The following DCC variants were observed in gnomAD, a reference collection of about 807,000 sequenced individuals.
The protein encoded by DCC is DCC netrin 1 receptor, also known as netrin receptor DCC.
In DCC, 58 loss-of-function variants were observed where a neutral mutation model predicts 172.5. The observed-to-expected ratio is 0.34, with a 90% confidence interval of 0.27 to 0.42. The LOEUF (loss-of-function observed/expected upper bound fraction) is 0.42. DCC is among the 10% of genes least tolerant of loss of function. The probability of loss-of-function intolerance (pLI) is 1.00; values close to 1 mark genes in which losing one functional copy is unlikely to be tolerated. For missense variants in DCC, 1,740 were observed against 1,791.0 expected (o/e 0.97, Z 0.51); for synonymous variants, 709 against 644.5 (o/e 1.10, Z -1.52).
intron 26 of DCC, among the ~76,000 whole-genome samples, chr18:53,494,105 A>C (rs1204297916): frequency 6.6e-6 from 1 of 152,210 alleles, no homozygotes; most frequent in Non-Finnish European, 1.5e-5. Flanking sequence ...ATTCAGGAGC[A>C]GGTTGTTCAG....
intron 2 of DCC, among the ~76,000 whole-genome samples, chr18:52,807,341 T>C (rs1598822742): frequency 2.0e-5 from 3 of 152,342 alleles, no homozygotes; most frequent in Non-Finnish European, 4.4e-5. Context: ...TGCTGATGAC[T>C]AAGTATAAAA....
chr18:52,373,473 G>A (rs1985211243), intron 1 of DCC, among the ~76,000 whole-genome samples: 1 of 152,154 alleles, frequency 6.6e-6, no homozygotes, highest in Non-Finnish European at 1.5e-5. Context: ...TATTTCTTCA[G>A]TGGAATAATT....
intron 5 of DCC, among the ~76,000 whole-genome samples, chr18:52,946,923 C>CG: frequency 6.6e-6 from 1 of 152,202 alleles, no homozygotes; most frequent in South Asian, 2.1e-4. Flanking sequence ...GCAAAATCAA[C>CG]GCAAACATCC....
intron 1 of DCC, among the ~76,000 whole-genome samples, chr18:52,566,186 TA>T (rs888447007): frequency 3.9e-5 from 6 of 151,906 alleles, no homozygotes; most frequent in Admixed American, 2.6e-4. Context: ...TATGCAGCCG[TA>T]AAAAAAGATG....
chr18:53,401,733 G>A (rs1909308569), intron 18 of DCC, among the ~76,000 whole-genome samples: 1 of 152,150 alleles, frequency 6.6e-6, no homozygotes, highest in African/African-American at 2.4e-5. Flanking sequence ...ACTAAGGGTA[G>A]CAAAGTTGCC....
intron 7 of DCC, among the ~76,000 whole-genome samples, chr18:53,117,803 A>G (rs960220452): frequency 1.8e-4 from 28 of 151,792 alleles, no homozygotes; most frequent in African/African-American, 6.3e-4. Flanking sequence ...ATGTAAATAT[A>G]TAGACATGCC....
chr18:52,818,218 A>T (rs2038338658), intron 2 of DCC: 1 of 151,112 alleles, frequency 6.6e-6, no homozygotes, highest in Non-Finnish European at 1.5e-5. Context: ...TGTCTCTACA[A>T]AAAATTTAAA....
At chr18:52,974,812 G>A (rs543389787) in intron 5 of DCC, among the ~76,000 whole-genome samples, 1 of 152,278 alleles carries the variant, frequency 6.6e-6, no homozygotes, top group East Asian at 1.9e-4. Context: ...CTGTGGGCAT[G>A]ATGTCTTTAA....
chr18:53,393,773 C>T (rs1332347843), intron 17 of DCC, among the ~76,000 whole-genome samples: 4 of 152,158 alleles, frequency 2.6e-5, no homozygotes, highest in Non-Finnish European at 5.9e-5. Context: ...GTTACTACAG[C>T]AGACATGGAA....
intron 1 of DCC, among the ~76,000 whole-genome samples, chr18:52,591,869 C>T (rs2033809241): frequency 6.8e-6 from 1 of 147,066 alleles, no homozygotes; most frequent in Non-Finnish European, 1.5e-5. Context: ...AAGCAGTAGG[C>T]TTCCAAAGCT....
At position 53,119,987 on chromosome 18, in the gene DCC, C is replaced by G. The variant is rs535020991; in HGVS notation, c.1262-37369C>G. On this transcript the variant is annotated intron_variant, in intron 7 of 28. Coordinates refer to ENST00000442544, the MANE Select transcript of DCC (RefSeq NM_005215.4). Reference sequence around the variant, plus strand: ...AAACTGTTGATAATTCAACTTTGTCCTAGAAAAATTATATTCAAGTTATAG... The same window carrying G: ...AAACTGTTGATAATTCAACTTTGTCGTAGAAAAATTATATTCAAGTTATAG... 2.6e-5 allele frequency among the ~76,000 whole-genome samples: 4 copies of G among 151,814 alleles called. 1 individual carries two copies. Among genetic ancestry groups the G allele is most frequent in the South Asian group, 4.1e-4 (2 of 4,820 alleles).
intron 5 of DCC, among the ~76,000 whole-genome samples, chr18:52,979,462 T>G (rs1368721682): frequency 6.6e-6 from 1 of 152,162 alleles, no homozygotes; most frequent in Non-Finnish European, 1.5e-5. Flanking sequence ...ATGACACTGA[T>G]CCAACTTTCT....
At chr18:52,452,183 C>A (rs1988326564) in intron 1 of DCC, among the ~76,000 whole-genome samples, 1 of 152,022 alleles carries the variant, frequency 6.6e-6, no homozygotes, top group South Asian at 2.1e-4. Context: ...TAAACAAATC[C>A]AAAAATAGAT....
chr18:53,333,038 C>T (rs2057548112), intron 14 of DCC, among the ~76,000 whole-genome samples: 1 of 149,700 alleles, frequency 6.7e-6, no homozygotes, highest in African/African-American at 2.5e-5. Context: ...CTACTGCGCT[C>T]CAGCCTGGGT....
At chr18:52,490,734 T>A (rs55804221) in intron 1 of DCC, among the ~76,000 whole-genome samples, 8,726 of 152,134 alleles carry the variant, frequency 0.057, 311 homozygotes, top group South Asian at 0.12. Flanking sequence ...ATTGGTAACA[T>A]TTGGATTGCA....
chr18:52,355,657 G>T (rs1041184380), intron 1 of DCC, among the ~76,000 whole-genome samples: 1 of 152,112 alleles, frequency 6.6e-6, no homozygotes, highest in African/African-American at 2.4e-5. Flanking sequence ...TATTTAAACA[G>T]CATATAAACA....
chr18:52,994,208 C>T (rs1010747455), intron 5 of DCC, among the ~76,000 whole-genome samples: 5 of 151,958 alleles, frequency 3.3e-5, no homozygotes, highest in Non-Finnish European at 1.5e-5. Flanking sequence ...TTCTCCTTAC[C>T]AGTTGAATTT....
chr18:52,997,053 C>G (rs1412670559), intron 5 of DCC, among the ~76,000 whole-genome samples: 1 of 151,990 alleles, frequency 6.6e-6, no homozygotes, highest in African/African-American at 2.4e-5. Context: ...AGAATATTGC[C>G]TAATTAGAAA....
rs557945047 is a variant in DCC, at chr18:53,157,261, A to T, written c.1262-95A>T. 4.6e-5 allele frequency: 66 copies of T among 1,445,260 alleles called. No homozygotes were observed. The South Asian group carries it at 7.3e-4, about 16-fold the overall frequency. 89.5% of individuals were successfully genotyped at this position (1,445,260 alleles called of 1,614,324 possible). A position where few individuals can be genotyped will look rare whatever the true frequency, so the allele number is the denominator to read the frequency against. ...GCTTTAGAATCAAGGTGACTATGAC[A>T]TGGAGATGCTTGCTAATAGGTTGGC... On this transcript the variant is annotated intron_variant, in intron 7 of 28. Coordinates refer to ENST00000442544, the MANE Select transcript of DCC (RefSeq NM_005215.4).
Sources: allele counts gnomAD v4.1 joint callset (sites outside exome capture counted in the v4.1 genomes callset), GRCh38; gene constraint gnomAD v4.1.1; transcripts MANE v1.5; gene names NCBI Gene and HGNC (gene_info 2026-07-23, HGNC 2026-07-21).